The following RSF1 variants were observed in gnomAD, a reference collection of about 807,000 sequenced individuals.
RSF1 encodes HBV pX-associated protein 8.
Under a neutral mutation model 145.2 loss-of-function variants are expected in RSF1, and 13 were observed. The observed-to-expected ratio is 0.09, with a 90% CI of 0.06 to 0.14. RSF1 has a LOEUF of 0.14. RSF1 is among the 10% of genes least tolerant of loss of function. The pLI is 1.00. For synonymous variants in RSF1, 577 were observed against 592.6 expected, an observed-to-expected ratio of 0.97 and a Z score of 0.38; for missense variants, 1,517 against 1,718.2, an observed-to-expected ratio of 0.88 and a Z score of 2.07.
rs1314598182 is a variant in RSF1, at chr11:77,667,163, T to C, written c.4080A>G (p.Pro1360=). The C allele has an allele frequency of 1.2e-6, 2 of 1,614,116 alleles. No individual in the cohort carries two copies. Among genetic ancestry groups the C allele is most frequent in the Non-Finnish European group, 1.7e-6 (2 of 1,180,048 alleles). ...GTAAGTCCACTAAGCTATAGTCCAA[T>C]GGGCTCCCCACTTTGCCTACATTTT... The part of the protein sequence containing the change: ...DFENVGKVGS[P]LDYSLVDLPS... The change falls in exon 16 of 16, where the codon CCA becomes CCG. Residue 1360 remains proline, a synonymous_variant. Coordinates refer to ENST00000308488, the MANE Select transcript of RSF1 (RefSeq NM_016578.4).
chr11:77,667,322 C>T lies in RSF1; in HGVS notation c.3921G>A (p.Glu1307=). ...RKRLHRIETD[E]EESCDNAHGD... Reference sequence around the variant, plus strand: ...CATGAGCATTGTCACAACTCTCCTCCTCATCCGTCTCAATCCGGTGTAGCC... The same window carrying T: ...CATGAGCATTGTCACAACTCTCCTCTTCATCCGTCTCAATCCGGTGTAGCC... The change falls in exon 16 of 16, where the codon GAG becomes GAA. Residue 1307 remains glutamate (E), a synonymous_variant. Coordinates refer to ENST00000308488, the MANE Select transcript of RSF1 (RefSeq NM_016578.4). 1 of 1,614,060 alleles carries T rather than the reference C, an allele frequency of 6.2e-7. No individual in the cohort carries two copies. Among genetic ancestry groups the T allele is most frequent in the Non-Finnish European group, 8.5e-7 (1 of 1,179,942 alleles).
At chr11:77,854,996 C>A in the RSF1 span, among the ~76,000 whole-genome samples, 1 of 152,218 alleles carries the variant, frequency 6.6e-6, no homozygotes, top group Non-Finnish European at 1.5e-5. Context: ...CTCATGGAAG[C>A]CACCAAGGCC....
At chr11:77,818,505 C>T (rs571723473) in intron 1 of RSF1, among the ~76,000 whole-genome samples, 1 of 152,284 alleles carries the variant, frequency 6.6e-6, no homozygotes, top group Non-Finnish European at 1.5e-5. Flanking sequence ...AAAAAACGGG[C>T]CAGGCTTGGT....
At chr11:77,773,240 ACGGTG>A (rs1188874998) in intron 1 of RSF1, among the ~76,000 whole-genome samples, 6 of 152,180 alleles carry the variant, frequency 3.9e-5, no homozygotes, top group Non-Finnish European at 5.9e-5. Flanking sequence ...TATTTATTTA[ACGGTG>A]GTAAAATATA....
intron 9 of RSF1, among the ~76,000 whole-genome samples, chr11:77,688,798 A>G (rs1960075508): frequency 1.3e-5 from 2 of 152,180 alleles, no homozygotes; most frequent in South Asian, 4.1e-4. Context: ...GCATTTCTCA[A>G]TTCAAAGTAC....
the RSF1 span, among the ~76,000 whole-genome samples, chr11:77,834,555 C>A: frequency 1.4e-5 from 2 of 146,368 alleles, no homozygotes; most frequent in Non-Finnish European, 1.5e-5. Flanking sequence ...GCTGGAATTA[C>A]AAGTACATAC....
chr11:77,706,705 C>T (rs534387352), intron 5 of RSF1, among the ~76,000 whole-genome samples: 1 of 152,034 alleles, frequency 6.6e-6, no homozygotes, highest in East Asian at 1.9e-4. Flanking sequence ...GGTACGTACG[C>T]AGGTTTGTTA....
chr11:77,813,034 C>G (rs1310256773), intron 1 of RSF1, among the ~76,000 whole-genome samples: 1 of 152,008 alleles, frequency 6.6e-6, no homozygotes, highest in African/African-American at 2.4e-5. Context: ...AGCCTCTAAA[C>G]TGGTAAGATT....
chr11:77,714,315 C>T (rs181391765), intron 5 of RSF1, among the ~76,000 whole-genome samples: 14 of 152,148 alleles, frequency 9.2e-5, no homozygotes, highest in Admixed American at 9.2e-4. Context: ...TTTGTTGTTA[C>T]CATCAATATG....
intron 1 of RSF1, among the ~76,000 whole-genome samples, chr11:77,810,404 A>G (rs1167804235): frequency 6.6e-6 from 1 of 152,220 alleles, no homozygotes; most frequent in Non-Finnish European, 1.5e-5. Flanking sequence ...TGTTAACAAA[A>G]AAGCTTTTAG....
chr11:77,811,628 G>T (rs763830971), intron 1 of RSF1, among the ~76,000 whole-genome samples: 7 of 152,238 alleles, frequency 4.6e-5, no homozygotes, highest in African/African-American at 1.7e-4. Flanking sequence ...AGAGGCAGGA[G>T]GACGAAGAAA....
chr11:77,677,443 A>G (rs1459963729), intron 12 of RSF1, among the ~76,000 whole-genome samples: 6 of 152,242 alleles, frequency 3.9e-5, no homozygotes, highest in Non-Finnish European at 8.8e-5. Context: ...AGAGGCCAAT[A>G]GAGTTTTTAA....
the RSF1 span, among the ~76,000 whole-genome samples, chr11:77,864,062 G>A: frequency 6.6e-6 from 1 of 151,622 alleles, no homozygotes. Context: ...GAGTAGCTGG[G>A]ATTACAGGTG....
chr11:77,738,542 C>G (rs1217247991), intron 4 of RSF1: 1 of 152,082 alleles, frequency 6.6e-6, no homozygotes, highest in African/African-American at 2.4e-5. Flanking sequence ...GAACCAGTGC[C>G]CCATGGATAC....
intron 2 of RSF1, among the ~76,000 whole-genome samples, chr11:77,761,828 A>ATTTTT (rs11381383): frequency 0.024 from 2,850 of 119,468 alleles, 215 homozygotes; most frequent in African/African-American, 0.088. Flanking sequence ...CCATTCGGTG[A>ATTTTT]TTTTTTTTTT....
At chr11:77,786,850 T>C (rs1004985123) in intron 1 of RSF1, among the ~76,000 whole-genome samples, 3 of 152,082 alleles carry the variant, frequency 2.0e-5, no homozygotes, top group African/African-American at 7.2e-5. Context: ...ACTCAAGACA[T>C]TATACGAGTA....
chr11:77,775,246 C>A (rs1395116847), intron 1 of RSF1, among the ~76,000 whole-genome samples: 2 of 148,020 alleles, frequency 1.4e-5, no homozygotes, highest in Non-Finnish European at 3.0e-5. Flanking sequence ...GAGACTCCAT[C>A]TCAAAAAAAA....
chr11:77,827,542 C>G, the RSF1 span, among the ~76,000 whole-genome samples: 1 of 152,124 alleles, frequency 6.6e-6, no homozygotes, highest in Admixed American at 6.5e-5. Flanking sequence ...ATAGTCATCT[C>G]AATAGATGCA....
chr11:77,684,011 A>T (rs937401395), intron 10 of RSF1, among the ~76,000 whole-genome samples, 192 bp from the exon 11 acceptor site: 1 of 152,244 alleles, frequency 6.6e-6, no homozygotes, highest in Non-Finnish European at 1.5e-5. Flanking sequence ...TGGTGATTAA[A>T]GGATGAAATC....
Sources: allele counts gnomAD v4.1 joint callset (sites outside exome capture counted in the v4.1 genomes callset), GRCh38; gene constraint gnomAD v4.1.1; transcripts MANE v1.5; gene names NCBI Gene and HGNC (gene_info 2026-07-23, HGNC 2026-07-21).